Variants in NAGS observed in about 807,000 individuals in gnomAD.
The protein encoded by NAGS is N-acetylglutamate synthase, mitochondrial.
In NAGS, 34 loss-of-function variants were observed where a neutral mutation model predicts 46.9. The ratio of observed to expected loss-of-function variants is 0.72; its 90% CI spans 0.55 to 0.97. The LOEUF is 0.97. Among genes scored for constraint, NAGS ranks in the 50% least tolerant of loss-of-function variants. The probability of loss-of-function intolerance (pLI) is 0.00; values close to 1 mark genes in which losing one functional copy is unlikely to be tolerated. For synonymous variants in NAGS, 334 were observed against 346.3 expected, an observed-to-expected ratio of 0.96 and a Z score of 0.39; for missense variants, 665 against 747.0, an observed-to-expected ratio of 0.89 and a Z score of 1.28.
chr17:44,006,131 T>A lies in NAGS; in HGVS notation c.809T>A (p.Val270Glu). ...GGGGAGACGGCCGCGCGCCGCTCCGTGCTTCTCGACTCCCTGGAGGTGACC... is the reference window on the plus strand; with the variant it reads ...GGGGAGACGGCCGCGCGCCGCTCCGAGCTTCTCGACTCCCTGGAGGTGACC... ...PIGETAARRS[V>E]LLDSLEVTAS... The change falls in exon 3 of 7, where the codon GTG becomes GAG. Residue 270 changes from valine (V) to glutamate (E), a missense_variant. By Grantham distance (121) the Val-to-Glu change is moderately radical. Transcript: ENST00000293404. The surrounding 1 kb of genome is among the most constrained non-coding windows in gnomAD (Gnocchi z 4.8). The A allele has an allele frequency of 6.2e-7, 1 of 1,613,118 alleles. No individual in the cohort carries two copies. Among genetic ancestry groups the A allele is most frequent in the Non-Finnish European group, 8.5e-7 (1 of 1,179,912 alleles).
chr17:44,008,559 G>A lies in NAGS; in HGVS notation c.1563G>A (p.Leu521=), dbSNP rs368798366. Residue 521 remains leucine, a synonymous_variant, in exon 7 of 7, where the codon CTG becomes CTA. Transcript: ENST00000293404. ...AGTTGGTCAACCACGCCAAGGGACT[G>A]CCAGACTCCTTTCACAAGCCAGCTT... ...SYELVNHAKG[L]PDSFHKPASD... 9.9e-6 allele frequency: 16 copies of A among 1,614,112 alleles called. No individual in the cohort carries two copies. Among genetic ancestry groups the A allele is most frequent in the Admixed American group, 1.7e-5 (1 of 60,014 alleles).
At position 44,005,394 on chromosome 17, in the gene NAGS, C is replaced by A. The variant is rs2049072445; in HGVS notation, c.427-243C>A. Among the ~76,000 whole-genome samples the A allele has an allele frequency of 6.6e-6, 1 of 152,224 alleles. No homozygotes were observed. Among genetic ancestry groups the A allele is most frequent in the Non-Finnish European group, 1.5e-5 (1 of 68,034 alleles). On this transcript the variant is annotated intron_variant, in intron 1 of 6. Transcript: ENST00000293404. This position sits in a 1 kb window ranked among gnomAD's most constrained non-coding sequence, Gnocchi z 7.2. The stretch of plus-strand genomic sequence containing the variant: ...TGGACAGGAGCCGCTTGCACTGCCC[C>A]TCCCCCAAAGATGTCCCGGAGTCCA...
Position 44,005,879 on chromosome 17 carries a change from G to T in NAGS, c.669G>T (p.Val223=). 6.5e-7 allele frequency: 1 copy of T among 1,548,888 alleles called. No homozygotes were observed. Residue 223 remains valine (V), a synonymous_variant, in exon 2 of 7, where the codon GTG becomes GTT. Transcript: ENST00000293404. This position sits in a 1 kb window ranked among gnomAD's most constrained non-coding sequence, Gnocchi z 7.2. ...AAVPFFGGGS[V]LRAAEPAPHA... is the part of the protein sequence containing the mutation. The stretch of plus-strand genomic sequence containing the variant: ...TGCCATTTTTTGGCGGCGGGTCTGT[G>T]CTACGCGCTGCCGAGCCGGCTCCCC...
Position 44,004,908 on chromosome 17 carries a change from C to A in NAGS, c.245C>A (p.Pro82Gln). The A allele has an allele frequency of 6.5e-7, 1 of 1,534,546 alleles. No individual in the cohort carries two copies. The highest frequency in any genetic ancestry group is 8.7e-7 in the Non-Finnish European group (1 of 1,146,312). Residue 82 changes from proline to glutamine, a missense_variant, in exon 1 of 7, where the codon CCG (proline) becomes CAG (glutamine). Coordinates refer to ENST00000293404, the MANE Select transcript of NAGS (RefSeq NM_153006.3). ...SPVAEEPSWV[P>Q]SPRPPVPHES... ...GTCGCCGAGGAGCCGTCGTGGGTGC[C>A]GAGTCCCAGGCCCCCGGTGCCCCAC...
chr17:44,008,291 G>A (rs912744209), intron 6 of NAGS, among the ~76,000 whole-genome samples, 157 bp from the exon 7 acceptor site: 9 of 148,958 alleles, frequency 6.0e-5, no homozygotes, highest in African/African-American at 2.2e-4. Context: ...TCAGGCCTCT[G>A]CTGTGAGGAT....
chr17:44,004,709 G>T lies in NAGS; in HGVS notation c.46G>T (p.Ala16Ser). ...TGTGGTTCTGCGGGCAGCTGCTGTA[G>T]CCCCGAGGCTGAGAGGCCGGGGAGG... ...MAVVLRAAAV[A>S]PRLRGRGGTG... Residue 16 changes from alanine to serine, a missense_variant, in exon 1 of 7, where the codon GCC becomes TCC. Coordinates refer to ENST00000293404, the MANE Select transcript of NAGS (RefSeq NM_153006.3). The T allele has an allele frequency of 2.6e-6, 4 of 1,513,116 alleles. No homozygotes were observed. The highest frequency in any genetic ancestry group is 3.5e-6 in the Non-Finnish European group (4 of 1,129,158). The allele number at this position is 1,513,116 out of a possible 1,614,324, so 93.7% of individuals were successfully genotyped here. A position where few individuals can be genotyped will look rare whatever the true frequency, so the allele number is the denominator to read the frequency against.
Position 44,006,900 on chromosome 17 carries a change from T to G in NAGS, c.1096+191T>G. On this transcript the variant is annotated intron_variant, in intron 4 of 6. Coordinates refer to ENST00000293404, the MANE Select transcript of NAGS (RefSeq NM_153006.3). The surrounding 1 kb of genome is among the most constrained non-coding windows in gnomAD (Gnocchi z 4.8). The stretch of plus-strand genomic sequence containing the variant: ...TGAGAGAGGAGGAGACCCAGTGTAC[T>G]GGAAGGGAACTCCGAAGGAATTAAA... The G allele has an allele frequency of 2.0e-6, 1 of 507,452 alleles. No individual in the cohort carries two copies. The highest frequency in any genetic ancestry group is 3.3e-6 in the Non-Finnish European group (1 of 299,218). The allele number at this position is 507,452 out of a possible 1,614,324, so 31.4% of individuals were successfully genotyped here.
At position 44,004,646 on chromosome 17, in the gene NAGS, C is replaced by T. The variant is rs780595830; in HGVS notation, c.-18C>T. The stretch of plus-strand genomic sequence containing the variant: ...CAGACAGACTGCCACTCTTGGGGGG[C>T]AAGAGTTGGTTGTCGTCATGGCGAC... On this transcript the variant is annotated 5_prime_UTR_variant, in exon 1 of 7. Coordinates refer to ENST00000293404, the MANE Select transcript of NAGS (RefSeq NM_153006.3). The T allele has an allele frequency of 2.6e-6, 4 of 1,511,808 alleles. No homozygotes were observed. Among genetic ancestry groups the T allele is most frequent in the Non-Finnish European group, 3.5e-6 (4 of 1,127,574 alleles). The allele number at this position is 1,511,808 out of a possible 1,614,324, so 93.6% of individuals were successfully genotyped here.
chr17:44,006,106 G>A lies in NAGS; in HGVS notation c.784G>A (p.Gly262Arg), dbSNP rs769924999. The A allele has an allele frequency of 1.2e-6, 2 of 1,612,774 alleles. No individual in the cohort carries two copies. The highest frequency in any genetic ancestry group is 8.5e-7 in the Non-Finnish European group (1 of 1,179,846). Residue 262 changes from glycine to arginine, a missense_variant, in exon 3 of 7, where the codon GGG (glycine) becomes AGG (arginine). Gly to Arg is a moderately radical substitution (Grantham distance 125). Transcript: ENST00000293404. The surrounding 1 kb of genome is among the most constrained non-coding windows in gnomAD (Gnocchi z 4.8). ...CAGCATCCCCATCCTGTGCCCCATCGGGGAGACGGCCGCGCGCCGCTCCGT... is the reference window on the plus strand; with the variant it reads ...CAGCATCCCCATCCTGTGCCCCATCAGGGAGACGGCCGCGCGCCGCTCCGT... ...SGSIPILCPI[G>R]ETAARRSVLL...
chr17:44,007,505 G>T lies in NAGS; in HGVS notation c.1268+11G>T. 1 of 1,613,598 alleles carries T rather than the reference G, an allele frequency of 6.2e-7. No homozygotes were observed. The highest frequency in any genetic ancestry group is 8.5e-7 in the Non-Finnish European group (1 of 1,179,938). Reference sequence around the variant, plus strand: ...CTACGTCTCCGAGGGGTAAGCCTGCGGACCCCAGAGGGCGGGGTCTGGGGG... The same window carrying T: ...CTACGTCTCCGAGGGGTAAGCCTGCTGACCCCAGAGGGCGGGGTCTGGGGG... On this transcript the variant is annotated intron_variant, in intron 5 of 6. Coordinates refer to ENST00000293404, the MANE Select transcript of NAGS (RefSeq NM_153006.3). This position sits in a 1 kb window ranked among gnomAD's most constrained non-coding sequence, Gnocchi z 5.1.
Position 44,004,911 on chromosome 17 carries a change from G to A in NAGS, c.248G>A (p.Ser83Asn). Residue 83 changes from serine to asparagine, a missense_variant, in exon 1 of 7, where the codon AGT (serine) becomes AAT (asparagine). Physicochemically the swap from Ser to Asn is conservative, Grantham distance 46. Transcript: ENST00000293404. Reference protein sequence around the residue: ...PVAEEPSWVPSPRPPVPHESP... With the variant: ...PVAEEPSWVPNPRPPVPHESP... ...GCCGAGGAGCCGTCGTGGGTGCCGA[G>A]TCCCAGGCCCCCGGTGCCCCACGAG... The A allele has an allele frequency of 6.5e-7, 1 of 1,534,758 alleles. No homozygotes were observed. Among genetic ancestry groups the A allele is most frequent in the African/African-American group, 1.4e-5 (1 of 73,058 alleles).
In NAGS at chr17:44,007,573, G is replaced by A. The variant is rs369686713; in HGVS notation, c.1269-18G>A. ...GACCAAGGAGAGGTCCCAGCCTGCC[G>A]CTCTCCCGCTGCGCCAGGTACAACG... On this transcript the variant is annotated intron_variant, in intron 5 of 6. Transcript: ENST00000293404. The surrounding 1 kb of genome is among the most constrained non-coding windows in gnomAD (Gnocchi z 5.1). 286 of 1,611,234 alleles carry A rather than the reference G, an allele frequency of 1.8e-4. No homozygotes were observed. The highest frequency in any genetic ancestry group is 2.3e-4 in the Non-Finnish European group (267 of 1,179,046).
At position 44,008,901 on chromosome 17, in the gene NAGS, G is replaced by A; in HGVS notation, c.*300G>A. 2.0e-6 allele frequency: 1 copy of A among 490,278 alleles called. No homozygotes were observed. Among genetic ancestry groups the A allele is most frequent in the East Asian group, 3.9e-5 (1 of 25,596 alleles). 30.4% of individuals were successfully genotyped at this position (490,278 alleles called of 1,614,324 possible). On this transcript the variant is annotated 3_prime_UTR_variant, in exon 7 of 7. Coordinates refer to ENST00000293404, the MANE Select transcript of NAGS (RefSeq NM_153006.3). Reference sequence around the variant, plus strand: ...GGGTGCCTTCCAGGGCTCTACTCAGGACTAACCCTAAGGGTGAGCTAGTTT... The same window carrying A: ...GGGTGCCTTCCAGGGCTCTACTCAGAACTAACCCTAAGGGTGAGCTAGTTT...
chr17:44,008,394 T>A (rs1185147730), intron 6 of NAGS, 54 bp from the exon 7 acceptor site: 1 of 1,603,502 alleles, frequency 6.2e-7, no homozygotes, highest in Non-Finnish European at 8.5e-7. Flanking sequence ...CAGTGAGTAA[T>A]GAACACTGGC....
At position 44,006,963 on chromosome 17, in the gene NAGS, C is replaced by A. The variant is rs973912446; in HGVS notation, c.1096+254C>A. 2.2e-5 allele frequency: 9 copies of A among 416,928 alleles called. No homozygotes were observed. The highest frequency in any genetic ancestry group is 1.7e-4 in the African/African-American group (8 of 47,108). The allele number at this position is 416,928 out of a possible 1,614,324, so 25.8% of individuals were successfully genotyped here. A position where few individuals can be genotyped will look rare whatever the true frequency, so the allele number is the denominator to read the frequency against. On this transcript the variant is annotated intron_variant, in intron 4 of 6. Transcript: ENST00000293404. This position sits in a 1 kb window ranked among gnomAD's most constrained non-coding sequence, Gnocchi z 4.8. ...ACTAGGGGGGAGAAGGAGGGGCCCC[C>A]CGGTGGGCGGGGCCAGGGGCGGGAC...
chr17:44,005,473 A>G lies in NAGS; in HGVS notation c.427-164A>G. Among the ~76,000 whole-genome samples the G allele has an allele frequency of 6.6e-6, 1 of 152,156 alleles. No individual in the cohort carries two copies. The highest frequency in any genetic ancestry group is 2.4e-5 in the African/African-American group (1 of 41,446). ...CCCAGCGTGAGACAAGGGAGTGGCA[A>G]GACCCAACGGGGCAAAGGGCGGAGC... On this transcript the variant is annotated intron_variant, in intron 1 of 6. Transcript: ENST00000293404. The surrounding 1 kb of genome is among the most constrained non-coding windows in gnomAD (Gnocchi z 7.2).
rs963514253 is a variant in NAGS, at chr17:44,005,312, G to A, written c.426+223G>A. Among the ~76,000 whole-genome samples the A allele has an allele frequency of 2.0e-5, 3 of 152,218 alleles. No individual in the cohort carries two copies. The highest frequency in any genetic ancestry group is 7.2e-5 in the African/African-American group (3 of 41,472). ...GATCCTGGGGGACCCCACCCGCCAG[G>A]TGTGATGCTCTGAAGAAGGCCCCCA... On this transcript the variant is annotated intron_variant, in intron 1 of 6. Transcript: ENST00000293404. This position sits in a 1 kb window ranked among gnomAD's most constrained non-coding sequence, Gnocchi z 7.2.
rs1306404178 is a variant in NAGS, at chr17:44,007,220, C to T, written c.1097-103C>T. On this transcript the variant is annotated intron_variant, in intron 4 of 6. Transcript: ENST00000293404. The surrounding 1 kb of genome is among the most constrained non-coding windows in gnomAD (Gnocchi z 5.1). ...AAATCATTTCACTGTGGAGGTCTCC[C>T]AAAGACGGAAATTGTCCCACCAGCG... 7.2e-6 allele frequency: 8 copies of T among 1,116,922 alleles called. No homozygotes were observed. The highest frequency in any genetic ancestry group is 3.2e-5 in the African/African-American group (2 of 63,440). The allele number at this position is 1,116,922 out of a possible 1,614,324, so 69.2% of individuals were successfully genotyped here.
At position 44,007,511 on chromosome 17, in the gene NAGS, C is replaced by G; in HGVS notation, c.1268+17C>G. 1 of 1,613,576 alleles carries G rather than the reference C, an allele frequency of 6.2e-7. No homozygotes were observed. The highest frequency in any genetic ancestry group is 8.5e-7 in the Non-Finnish European group (1 of 1,179,924). ...CTCCGAGGGGTAAGCCTGCGGACCCCAGAGGGCGGGGTCTGGGGGGCAGTC... is the reference window on the plus strand; with the variant it reads ...CTCCGAGGGGTAAGCCTGCGGACCCGAGAGGGCGGGGTCTGGGGGGCAGTC... On this transcript the variant is annotated intron_variant, in intron 5 of 6. Coordinates refer to ENST00000293404, the MANE Select transcript of NAGS (RefSeq NM_153006.3). This position sits in a 1 kb window ranked among gnomAD's most constrained non-coding sequence, Gnocchi z 5.1.
Sources: gnomAD v4.1 joint callset for allele counts (sites outside exome capture counted in the v4.1 genomes callset) on GRCh38, gnomAD v4.1.1 for gene constraint, Gnocchi (gnomAD v3.1) non-coding constraint, MANE v1.5 for transcripts, NCBI Gene and HGNC (gene_info 2026-07-23, HGNC 2026-07-21) for gene names.